PTPRR: variants seen among roughly 807,000 people sequenced by gnomAD.
The protein encoded by PTPRR is receptor-type tyrosine-protein phosphatase R.
In PTPRR, 38 loss-of-function variants were observed where a neutral mutation model predicts 77.2. The ratio of observed to expected loss-of-function variants is 0.49; its 90% CI spans 0.38 to 0.65. The LOEUF is 0.65. PTPRR is among the 30% of genes least tolerant of loss of function. The probability of loss-of-function intolerance (pLI) is 0.00; values close to 1 mark genes in which losing one functional copy is unlikely to be tolerated. For synonymous variants in PTPRR, 299 were observed against 283.1 expected (o/e 1.06, Z -0.57); for missense variants, 744 against 799.2 (o/e 0.93, Z 0.83).
intron 6 of PTPRR, among the ~76,000 whole-genome samples, chr12:70,731,037 G>C (rs866707689): frequency 2.3e-5 from 2 of 85,200 alleles, no homozygotes; most frequent in Non-Finnish European, 5.2e-5. Flanking sequence ...AGGAAGGAGA[G>C]AGAGGAAGGA....
intron 2 of PTPRR, among the ~76,000 whole-genome samples, chr12:70,846,654 G>A (rs1455373894): frequency 6.6e-6 from 1 of 150,822 alleles, no homozygotes; most frequent in Non-Finnish European, 1.5e-5. Context: ...CAGGAGAGAA[G>A]GGGCTTGTTT....
chr12:70,662,873 A>C (rs1030952358), intron 10 of PTPRR, among the ~76,000 whole-genome samples: 1 of 149,658 alleles, frequency 6.7e-6, no homozygotes, highest in East Asian at 1.9e-4. Context: ...GCTCCATACA[A>C]AAAAAAAAGG....
intron 10 of PTPRR, chr12:70,672,339 T>C: frequency 1.3e-6 from 2 of 1,497,542 alleles, no homozygotes; most frequent in South Asian, 2.3e-5. Context: ...AACTCCATTG[T>C]GGAGCCCTAT....
At chr12:70,853,768 C>A (rs926774718) in intron 2 of PTPRR, among the ~76,000 whole-genome samples, 2 of 152,182 alleles carry the variant, frequency 1.3e-5, no homozygotes, top group East Asian at 1.9e-4. Flanking sequence ...CCAGCCATGT[C>A]CCCGCTCCGC....
intron 1 of PTPRR, among the ~76,000 whole-genome samples, chr12:70,895,536 T>C (rs934405184): frequency 5.9e-5 from 9 of 151,702 alleles, no homozygotes; most frequent in African/African-American, 9.6e-5. Context: ...AGTTCTAAGA[T>C]AGCAGTGTAA....
chr12:70,810,171 C>G (rs1436011916), intron 2 of PTPRR, among the ~76,000 whole-genome samples: 1 of 152,080 alleles, frequency 6.6e-6, no homozygotes, highest in Non-Finnish European at 1.5e-5. Context: ...GTTTGTGAAG[C>G]CTTAAAGAGC....
At chr12:70,694,497 T>G (rs893275905) in intron 8 of PTPRR, among the ~76,000 whole-genome samples, 1 of 152,196 alleles carries the variant, frequency 6.6e-6, no homozygotes, top group Non-Finnish European at 1.5e-5. Context: ...ATCATGTCCT[T>G]TGCAGCAACA....
At chr12:70,894,923 T>C (rs1893400753) in intron 1 of PTPRR, among the ~76,000 whole-genome samples, 1 of 151,722 alleles carries the variant, frequency 6.6e-6, no homozygotes, top group South Asian at 2.1e-4. Flanking sequence ...GAAGACATGA[T>C]GATTAGTTTC....
intron 6 of PTPRR, among the ~76,000 whole-genome samples, chr12:70,731,590 C>T (rs992142959): frequency 6.6e-6 from 1 of 152,142 alleles, no homozygotes; most frequent in African/African-American, 2.4e-5. Flanking sequence ...GGGCCACGAC[C>T]ACAGACCTTA....
intron 8 of PTPRR, among the ~76,000 whole-genome samples, chr12:70,693,128 A>C (rs953805639): frequency 6.6e-6 from 1 of 152,208 alleles, no homozygotes; most frequent in African/African-American, 2.4e-5. Context: ...TCAGGCTTGA[A>C]AAGAGGCCTG....
intron 10 of PTPRR, among the ~76,000 whole-genome samples, chr12:70,669,965 G>A (rs1402025940): frequency 1.3e-5 from 2 of 152,066 alleles, no homozygotes; most frequent in Admixed American, 1.3e-4. Flanking sequence ...CCAAACATGT[G>A]TAATTAAAAT....
intron 2 of PTPRR, among the ~76,000 whole-genome samples, chr12:70,811,901 C>G (rs1481574713): frequency 6.6e-6 from 1 of 152,116 alleles, no homozygotes; most frequent in Non-Finnish European, 1.5e-5. Flanking sequence ...TCCAAAGCAG[C>G]CAATTAAGCA....
chr12:70,880,992 C>T (rs945483112), intron 2 of PTPRR, among the ~76,000 whole-genome samples: 2 of 152,100 alleles, frequency 1.3e-5, no homozygotes, highest in Non-Finnish European at 2.9e-5. Flanking sequence ...TTTTGTAATT[C>T]ATTTTCCCAC....
intron 1 of PTPRR, among the ~76,000 whole-genome samples, chr12:70,894,542 A>G (rs1893392688): frequency 6.6e-6 from 1 of 151,704 alleles, no homozygotes; most frequent in African/African-American, 2.4e-5. Context: ...GAAGAAAATT[A>G]CTCTCCTTTC....
intron 13 of PTPRR, among the ~76,000 whole-genome samples, chr12:70,653,874 C>T (rs1886482952): frequency 1.3e-5 from 2 of 152,012 alleles, no homozygotes; most frequent in South Asian, 4.2e-4. Flanking sequence ...TGTTAATCGC[C>T]ATGATGAACT....
intron 2 of PTPRR, among the ~76,000 whole-genome samples, chr12:70,838,731 C>T (rs1473865105): frequency 6.6e-6 from 1 of 152,204 alleles, no homozygotes; most frequent in Middle Eastern, 3.4e-3. Flanking sequence ...GAGTGAAGTA[C>T]AAGGACAGTA....
intron 2 of PTPRR, among the ~76,000 whole-genome samples, chr12:70,795,250 A>G (rs11178429): frequency 0.011 from 1,658 of 152,250 alleles, 16 homozygotes; most frequent in Middle Eastern, 0.031. Context: ...CACCCAACTT[A>G]TATTAAATTA....
At chr12:70,816,475 A>C (rs1330790453) in intron 2 of PTPRR, among the ~76,000 whole-genome samples, 4 of 152,062 alleles carry the variant, frequency 2.6e-5, no homozygotes, top group Non-Finnish European at 1.5e-5. Context: ...GTTCAAGATA[A>C]TTCATTGAAG....
At chr12:70,909,869 T>C (rs546566912) in intron 1 of PTPRR, among the ~76,000 whole-genome samples, 4 of 152,284 alleles carry the variant, frequency 2.6e-5, no homozygotes, top group East Asian at 3.9e-4. Context: ...CCTCTGGTGG[T>C]TAGAGGTTTT....
Sources: allele counts gnomAD v4.1 joint callset (sites outside exome capture counted in the v4.1 genomes callset), GRCh38; gene constraint gnomAD v4.1.1; transcripts MANE v1.5; gene names NCBI Gene and HGNC (gene_info 2026-07-23, HGNC 2026-07-21).